The following GRIK4 variants were observed in gnomAD, a reference collection of about 807,000 sequenced individuals.
The protein encoded by GRIK4 is glutamate receptor ionotropic, kainate 4.
A neutral mutation model predicts 104.9 loss-of-function variants in GRIK4; 40 were observed. The observed-to-expected ratio is 0.38, with a 90% CI of 0.30 to 0.50. The LOEUF (loss-of-function observed/expected upper bound fraction) is 0.50. GRIK4 is among the 20% of genes least tolerant of loss of function. The pLI, the probability that GRIK4 is intolerant of heterozygous loss-of-function variation, is 0.93. For synonymous variants in GRIK4, 485 were observed against 524.9 expected, an observed-to-expected ratio of 0.92 and a Z score of 1.04; for missense variants, 1,047 against 1,308.1, an observed-to-expected ratio of 0.80 and a Z score of 3.08.
At chr11:120,796,054 A>G (rs115905804) in intron 3 of GRIK4, among the ~76,000 whole-genome samples, 3,828 of 137,512 alleles carry the variant, frequency 0.028, 171 homozygotes, top group African/African-American at 0.1. Context: ...TTTTTTTTCC[A>G]AGACGGGGTC....
At chr11:120,558,672 C>G (rs1041188003) in intron 1 of GRIK4, among the ~76,000 whole-genome samples, 1 of 152,190 alleles carries the variant, frequency 6.6e-6, no homozygotes, top group Admixed American at 6.5e-5. Flanking sequence ...AAGGCACACA[C>G]AAGAGACAGG....
intron 8 of GRIK4, among the ~76,000 whole-genome samples, chr11:120,846,577 G>A (rs568196812): frequency 1.1e-4 from 17 of 152,150 alleles, no homozygotes; most frequent in Admixed American, 2.0e-4. Flanking sequence ...ATGGAGAGAG[G>A]TGGACCCAGA....
chr11:120,812,064 CAGAG>C (rs1163332121), intron 4 of GRIK4, among the ~76,000 whole-genome samples: 1 of 152,158 alleles, frequency 6.6e-6, no homozygotes, highest in Non-Finnish European at 1.5e-5. Context: ...ATCCTGGAGA[CAGAG>C]AGACTCCCTT....
In GRIK4 at chr11:120,937,508, G is replaced by C. The variant is rs138880875; in HGVS notation, c.1477-2839G>C. On this transcript the variant is annotated intron_variant, in intron 13 of 20. Transcript: ENST00000527524. ...AAACGACCGCCACAAACCTTTCATG[G>C]CTTCTTTCAGCTTGTCACTGCCCTT... Among the ~76,000 whole-genome samples, 19 of 152,304 alleles carry C rather than the reference G, an allele frequency of 1.2e-4. 1 individual carries two copies. Among genetic ancestry groups the C allele is most frequent in the South Asian group, 1.2e-3 (6 of 4,822 alleles).
At chr11:120,597,706 G>A (rs1214522838) in intron 1 of GRIK4, among the ~76,000 whole-genome samples, 1 of 150,818 alleles carries the variant, frequency 6.6e-6, no homozygotes, top group Non-Finnish European at 1.5e-5. Context: ...CCCCCGCTTT[G>A]TCTGATTTCC....
intron 1 of GRIK4, among the ~76,000 whole-genome samples, chr11:120,640,729 GAC>G (rs1949459749): frequency 6.7e-6 from 1 of 149,478 alleles, no homozygotes; most frequent in South Asian, 2.1e-4. Flanking sequence ...TTCTTTTTGA[GAC>G]ACAGTCTCGC....
Position 120,511,892 on chromosome 11 carries a change from G to C in GRIK4, c.-159+5G>C, listed in dbSNP as rs1947660699. On this transcript the variant is annotated splice_donor_5th_base_variant and intron_variant, in intron 1 of 20. Coordinates refer to ENST00000527524, the MANE Select transcript of GRIK4 (RefSeq NM_014619.5). ...CCGGAGTGCGGAGCCGACCAGGTAA[G>C]GGCAGCGGCCCCCCGCGGCGCCCCC... 5.8e-6 allele frequency: 1 copy of C among 171,522 alleles called. No individual in the cohort carries two copies. The highest frequency in any genetic ancestry group is 1.2e-5 in the Non-Finnish European group (1 of 83,774). 10.6% of individuals were successfully genotyped at this position (171,522 alleles called of 1,614,324 possible).
At position 120,662,663 on chromosome 11, in the gene GRIK4, G is replaced by A. The variant is rs552224611; in HGVS notation, c.82+2263G>A. Reference sequence around the variant, plus strand: ...GCTGGGGTCTCTGGGGTCCTTGAGAGGCTTATGGGAAGGGAAGGGGCTGCT... The same window carrying A: ...GCTGGGGTCTCTGGGGTCCTTGAGAAGCTTATGGGAAGGGAAGGGGCTGCT... On this transcript the variant is annotated intron_variant, in intron 3 of 20. Coordinates refer to ENST00000527524, the MANE Select transcript of GRIK4 (RefSeq NM_014619.5). Among the ~76,000 whole-genome samples, 190 of 152,242 alleles carry A rather than the reference G, an allele frequency of 1.2e-3. 1 individual carries two copies. The highest frequency in any genetic ancestry group is 2.3e-3 in the Non-Finnish European group (155 of 68,008).
chr11:120,629,777 C>T (rs985221757), intron 1 of GRIK4, among the ~76,000 whole-genome samples: 1 of 152,208 alleles, frequency 6.6e-6, no homozygotes, highest in South Asian at 2.1e-4. Context: ...CCATGCTGGG[C>T]GGCTGGGGAG....
intron 13 of GRIK4, among the ~76,000 whole-genome samples, chr11:120,910,763 G>A (rs988461011): frequency 3.9e-5 from 6 of 152,224 alleles, no homozygotes; most frequent in Non-Finnish European, 5.9e-5. Flanking sequence ...CCCCATTCGG[G>A]TGAGAGCAGG....
intron 1 of GRIK4, among the ~76,000 whole-genome samples, chr11:120,598,585 C>A (rs1041796900): frequency 6.6e-6 from 1 of 152,200 alleles, no homozygotes; most frequent in Admixed American, 6.5e-5. Context: ...ATTGATGGCT[C>A]TGTGTTTGGC....
intron 14 of GRIK4, among the ~76,000 whole-genome samples, chr11:120,951,705 G>A (rs906083806): frequency 6.6e-6 from 1 of 152,196 alleles, no homozygotes; most frequent in Non-Finnish European, 1.5e-5. Flanking sequence ...GGACAAGACA[G>A]GGTAGCAGCA....
chr11:120,566,061 T>C (rs1392963517), intron 1 of GRIK4, among the ~76,000 whole-genome samples: 1 of 152,250 alleles, frequency 6.6e-6, no homozygotes, highest in East Asian at 1.9e-4. Context: ...TTAAGTTTTA[T>C]ATCCAAGATA....
intron 1 of GRIK4, among the ~76,000 whole-genome samples, chr11:120,579,233 C>G (rs983269862): frequency 6.6e-6 from 1 of 152,008 alleles, no homozygotes; most frequent in Non-Finnish European, 1.5e-5. Context: ...TAACCCCCCC[C>G]CCTTTTTTTG....
intron 1 of GRIK4, among the ~76,000 whole-genome samples, chr11:120,577,146 G>T (rs1412341405): frequency 6.6e-6 from 1 of 152,200 alleles, no homozygotes; most frequent in Non-Finnish European, 1.5e-5. Context: ...AGGTCATATG[G>T]CATGTTTCTT....
At chr11:120,664,973 T>C (rs4936539) in intron 3 of GRIK4, among the ~76,000 whole-genome samples, 71,917 of 137,104 alleles carry the variant, frequency 0.52, 18,771 homozygotes, top group Admixed American at 0.67. Context: ...ATTTATTTTA[T>C]ACTCTGTCTT....
chr11:120,698,648 G>A (rs1008506427), intron 3 of GRIK4, among the ~76,000 whole-genome samples: 2 of 152,088 alleles, frequency 1.3e-5, no homozygotes, highest in South Asian at 4.2e-4. Context: ...ATGCCATCAC[G>A]GCCTGCTGCC....
chr11:120,538,425 G>T (rs1020969151), intron 1 of GRIK4, among the ~76,000 whole-genome samples: 1 of 152,168 alleles, frequency 6.6e-6, no homozygotes, highest in Middle Eastern at 3.2e-3. Context: ...ATTGTAAAAG[G>T]CCTCCTCTCC....
At chr11:120,936,172 C>A in intron 13 of GRIK4, 1 of 220,792 alleles carries the variant, frequency 4.5e-6, no homozygotes, top group Non-Finnish European at 9.3e-6. Context: ...TTTCTTTTAG[C>A]TCAGTTTGCA....
Sources: allele counts gnomAD v4.1 joint callset (sites outside exome capture counted in the v4.1 genomes callset), GRCh38; gene constraint gnomAD v4.1.1; transcripts MANE v1.5; gene names NCBI Gene and HGNC (gene_info 2026-07-23, HGNC 2026-07-21).